The following NMD3 variants were observed in gnomAD, a reference collection of about 807,000 sequenced individuals.
NMD3 encodes NMD3 ribosome export adaptor.
Under a neutral mutation model 73.1 loss-of-function variants are expected in NMD3, and 47 were observed. That is an observed-to-expected ratio of 0.64 (90% CI 0.51 to 0.82). The LOEUF (loss-of-function observed/expected upper bound fraction) is 0.82, where lower values mean the gene tolerates loss of function less well. Among genes scored for constraint, NMD3 ranks in the 40% least tolerant of loss-of-function variants. The pLI is 0.00. For missense variants in NMD3, 554 were observed against 612.5 expected (o/e 0.90, Z 1.01); for synonymous variants, 210 against 194.5 (o/e 1.08, Z -0.66).
At position 161,242,624 on chromosome 3, in the gene NMD3, G is replaced by T; in HGVS notation, c.988G>T (p.Ala330Ser). 1 of 1,613,024 alleles carries T rather than the reference G, an allele frequency of 6.2e-7. No individual in the cohort carries two copies. The highest frequency in any genetic ancestry group is 1.1e-5 in the South Asian group (1 of 90,910). ...ECSIVQDIKR[A>S]AGAGMISKKH... ...CAGCATAGTCCAAGATATAAAACGT[G>T]CTGCAGGTGCTGGAATGATATCAAA... The change falls in exon 11 of 16, where the codon GCT becomes TCT. Residue 330 changes from alanine to serine, a missense_variant. Coordinates refer to ENST00000351193, the MANE Select transcript of NMD3 (RefSeq NM_015938.5).
At chr3:161,248,363 A>G (rs1318973869) in intron 13 of NMD3, among the ~76,000 whole-genome samples, 1 of 151,672 alleles carries the variant, frequency 6.6e-6, no homozygotes, top group African/African-American at 2.4e-5. Flanking sequence ...GGTGGCATGC[A>G]CCTGTAGTCC....
intron 7 of NMD3, among the ~76,000 whole-genome samples, chr3:161,236,068 C>T (rs772407212): frequency 3.5e-4 from 53 of 151,730 alleles, no homozygotes; most frequent in Non-Finnish European, 1.5e-4. Context: ...TTTTTAATTT[C>T]TAATACATAT....
In NMD3 at chr3:161,224,960, T is replaced by C; in HGVS notation, c.75T>C (p.Ser25=). The change falls in exon 3 of 16, where the codon AGT becomes AGC. Residue 25 remains serine (S), a synonymous_variant. Transcript: ENST00000351193. The part of the protein sequence containing the change: ...ILCCECGVPI[S]PNPANICVAC... The stretch of plus-strand genomic sequence containing the variant: ...GCTGTGAGTGTGGTGTTCCGATAAG[T>C]CCAAATCCTGCCAATATTTGTGTGG... 6 of 1,614,002 alleles carry C rather than the reference T, an allele frequency of 3.7e-6. No individual in the cohort carries two copies. The highest frequency in any genetic ancestry group is 5.1e-6 in the Non-Finnish European group (6 of 1,179,946).
At position 161,225,044 on chromosome 3, in the gene NMD3, G is replaced by A. The variant is rs151239262; in HGVS notation, c.159G>A (p.Ser53=). ...GTATTCCGAAACAAGTCTCGATTTC[G>A]TTCTGCAAACAATGTCAAAGGTACA... The part of the protein sequence containing the change: ...SQGIPKQVSI[S]FCKQCQRYFQ... The change falls in exon 3 of 16, where the codon TCG becomes TCA. Residue 53 remains serine (S), a synonymous_variant. Coordinates refer to ENST00000351193, the MANE Select transcript of NMD3 (RefSeq NM_015938.5). The A allele has an allele frequency of 6.0e-4, 963 of 1,613,582 alleles. 13 individuals are homozygous for A. The East Asian group carries it at 0.018, about 30-fold the overall frequency.
chr3:161,231,065 C>T (rs1023074259), intron 4 of NMD3, among the ~76,000 whole-genome samples: 21 of 152,232 alleles, frequency 1.4e-4, no homozygotes, highest in African/African-American at 5.1e-4. Flanking sequence ...ATAGAGCAGG[C>T]AGAGCACTGG....
intron 4 of NMD3, among the ~76,000 whole-genome samples, chr3:161,230,502 G>A (rs1443171524): frequency 2.0e-5 from 3 of 152,114 alleles, no homozygotes; most frequent in African/African-American, 7.2e-5. Context: ...GTTAGAGTAC[G>A]GAGGGAAATT....
intron 7 of NMD3, among the ~76,000 whole-genome samples, chr3:161,237,538 CTTTTT>C (rs71628447): frequency 9.2e-6 from 1 of 108,820 alleles, no homozygotes; most frequent in Non-Finnish European, 1.8e-5. Flanking sequence ...AAATAACTTT[CTTTTT>C]TTTTTTTTTT....
At chr3:161,252,734 A>G (rs1737538223), downstream of NMD3, 3 of 650,394 alleles carry the variant, frequency 4.6e-6, no homozygotes, top group Non-Finnish European at 8.3e-6. Context: ...TTATAAATAT[A>G]ATTTACAAGT....
chr3:161,234,929 C>A, intron 6 of NMD3, 74 bp downstream of exon 6: 19 of 1,502,898 alleles, frequency 1.3e-5, no homozygotes, highest in Non-Finnish European at 1.8e-5. Flanking sequence ...TTCCTTCTTT[C>A]TAAATCCAGG....
chr3:161,242,743 T>C, intron 11 of NMD3, 90 bp downstream of exon 11: 1 of 1,312,940 alleles, frequency 7.6e-7, no homozygotes, highest in Non-Finnish European at 1.0e-6. Context: ...TGTTGGTGTT[T>C]CCACAGTATG....
intron 4 of NMD3, among the ~76,000 whole-genome samples, chr3:161,232,718 C>T (rs922122307): frequency 2.0e-5 from 3 of 152,118 alleles, no homozygotes; most frequent in African/African-American, 7.2e-5. Flanking sequence ...CTAACTAGCC[C>T]TTGCATCTGC....
chr3:161,243,002 A>C (rs1270417391), intron 11 of NMD3, among the ~76,000 whole-genome samples: 1 of 152,154 alleles, frequency 6.6e-6, no homozygotes, highest in African/African-American at 2.4e-5. Context: ...CCAAATACTA[A>C]ATACTTCAGT....
intron 2 of NMD3, among the ~76,000 whole-genome samples, chr3:161,223,694 A>G (rs1015229946): frequency 6.6e-6 from 1 of 152,234 alleles, no homozygotes; most frequent in Non-Finnish European, 1.5e-5. Flanking sequence ...CCCTGAATAA[A>G]TAGATTTTTG....
At chr3:161,241,420 CT>C (rs35893497) in intron 10 of NMD3, among the ~76,000 whole-genome samples, 5,051 of 126,076 alleles carry the variant, frequency 0.04, 60 homozygotes, top group Middle Eastern at 0.06. Flanking sequence ...CTGAAATTGA[CT>C]TTTTTTTTTT....
At chr3:161,247,214 C>A in intron 12 of NMD3, 44 bp from the exon 13 acceptor site, 1 of 1,278,496 alleles carries the variant, frequency 7.8e-7, no homozygotes, top group Non-Finnish European at 1.1e-6. Flanking sequence ...AAGTTACACA[C>A]AAAGGGTAAA....
chr3:161,228,997 G>C (rs1255544069), intron 4 of NMD3, among the ~76,000 whole-genome samples: 1 of 152,180 alleles, frequency 6.6e-6, no homozygotes, highest in African/African-American at 2.4e-5. Context: ...ATTACAGTAA[G>C]GGAGGAAGCT....
intron 10 of NMD3, 65 bp downstream of exon 10, chr3:161,241,228 T>G: frequency 2.1e-6 from 2 of 961,224 alleles, no homozygotes; most frequent in Non-Finnish European, 3.3e-6. Flanking sequence ...ATAATTTGTG[T>G]TGTTAATTTT....
At chr3:161,240,982 A>G in intron 9 of NMD3, 64 bp from the exon 10 acceptor site, 1 of 931,622 alleles carries the variant, frequency 1.1e-6, no homozygotes, top group Non-Finnish European at 1.7e-6. Context: ...GTGTTTATTG[A>G]TGAGTGTTTA....
At chr3:161,246,933 G>GTTT (rs148001688) in intron 12 of NMD3, among the ~76,000 whole-genome samples, 16 of 149,720 alleles carry the variant, frequency 1.1e-4, no homozygotes, top group South Asian at 4.2e-4. Context: ...AGAATGAGGT[G>GTTT]TTTTTTTTTT....
Sources: allele counts gnomAD v4.1 joint callset (sites outside exome capture counted in the v4.1 genomes callset), GRCh38; gene constraint gnomAD v4.1.1; transcripts MANE v1.5; gene names NCBI Gene and HGNC (gene_info 2026-07-23, HGNC 2026-07-21).